Variants in MAML1 observed in about 807,000 individuals in gnomAD.
MAML1 encodes the protein mastermind-like protein 1.
A neutral mutation model predicts 77.1 loss-of-function variants in MAML1; 14 were observed. That is an observed-to-expected ratio of 0.18 (90% CI 0.12 to 0.28). The LOEUF is 0.28. MAML1 is among the 10% of genes least tolerant of loss of function. The pLI is 1.00. For missense variants in MAML1, 1,217 were observed against 1,327.8 expected, an observed-to-expected ratio of 0.92 and a Z score of 1.30; for synonymous variants, 516 against 551.9, an observed-to-expected ratio of 0.93 and a Z score of 0.91.
chr5:179,751,600 G>A (rs529198138), intron 1 of MAML1, among the ~76,000 whole-genome samples: 1 of 152,180 alleles, frequency 6.6e-6, no homozygotes, highest in Non-Finnish European at 1.5e-5. Context: ...AGCTACTCGG[G>A]AGGCTGAGGC....
chr5:179,753,654 A>ATTATTATT (rs1554150374), intron 1 of MAML1, among the ~76,000 whole-genome samples: 1 of 88,852 alleles, frequency 1.1e-5, no homozygotes, highest in Non-Finnish European at 2.2e-5. Context: ...TATTATTATT[A>ATTATTATT]TTTTTTTTTT....
intron 1 of MAML1, among the ~76,000 whole-genome samples, chr5:179,750,837 C>T (rs925765260): frequency 2.6e-5 from 4 of 152,156 alleles, no homozygotes; most frequent in Admixed American, 6.5e-5. Context: ...TGACGATTCC[C>T]AGCAAGGAGG....
Position 179,776,309 on chromosome 5 carries a change from A to G in MAML1, c.*1432A>G, listed in dbSNP as rs534837227. 1.2e-5 allele frequency: 12 copies of G among 985,748 alleles called. No individual in the cohort carries two copies. The African/African-American group carries it at 1.9e-4, about 16-fold the overall frequency. The allele number at this position is 985,748 out of a possible 1,614,324, so 61.1% of individuals were successfully genotyped here. Reference sequence around the variant, plus strand: ...CCAATGGATCATTCAGGAGTGTCCTATGTGAGAATTGAGCCAAGGAAAATA... The same window carrying G: ...CCAATGGATCATTCAGGAGTGTCCTGTGTGAGAATTGAGCCAAGGAAAATA... On this transcript the variant is annotated 3_prime_UTR_variant, in exon 5 of 5. Transcript: ENST00000292599.
At chr5:179,745,871 A>AT (rs1779370039) in intron 1 of MAML1, among the ~76,000 whole-genome samples, 1 of 148,722 alleles carries the variant, frequency 6.7e-6, no homozygotes, top group African/African-American at 2.5e-5. Flanking sequence ...AAAAAAAAAA[A>AT]AAAAAAAAAA....
chr5:179,756,429 T>C (rs1335145972), intron 1 of MAML1, among the ~76,000 whole-genome samples: 1 of 130,388 alleles, frequency 7.7e-6, no homozygotes, highest in Non-Finnish European at 1.7e-5. Context: ...AGCGGGACTC[T>C]GTCTCAAAAA....
At chr5:179,759,348 A>T (rs1779683378) in intron 1 of MAML1, among the ~76,000 whole-genome samples, 1 of 152,206 alleles carries the variant, frequency 6.6e-6, no homozygotes, top group Admixed American at 6.5e-5. Context: ...AGGAACAATG[A>T]TGCTCATCCT....
intron 1 of MAML1, among the ~76,000 whole-genome samples, chr5:179,748,959 T>G (rs77527920): frequency 1.8e-5 from 2 of 112,674 alleles, no homozygotes; most frequent in African/African-American, 2.8e-5. Context: ...TGTTTTTTTT[T>G]TTTTTGTTTT....
At chr5:179,756,217 A>C (rs1779612627) in intron 1 of MAML1, among the ~76,000 whole-genome samples, 1 of 151,354 alleles carries the variant, frequency 6.6e-6, no homozygotes, top group Non-Finnish European at 1.5e-5. Flanking sequence ...CGAGGTCAGG[A>C]GATGGAGACC....
At chr5:179,746,571 C>T (rs969170210) in intron 1 of MAML1, among the ~76,000 whole-genome samples, 3 of 151,828 alleles carry the variant, frequency 2.0e-5, no homozygotes. Flanking sequence ...CAGGGTTTCT[C>T]CACGTTGGTC....
At position 179,776,808 on chromosome 5, in the gene MAML1, T is replaced by C. The variant is rs1756143805; in HGVS notation, c.*1931T>C. 1 of 985,934 alleles carries C rather than the reference T, an allele frequency of 1.0e-6. No homozygotes were observed. Among genetic ancestry groups the C allele is most frequent in the Non-Finnish European group, 1.2e-6 (1 of 829,970 alleles). 61.1% of individuals were successfully genotyped at this position (985,934 alleles called of 1,614,324 possible). On this transcript the variant is annotated 3_prime_UTR_variant, in exon 5 of 5. Coordinates refer to ENST00000292599, the MANE Select transcript of MAML1 (RefSeq NM_014757.5). ...CTCACTTGCTGCAGTGTCATAGCAA[T>C]AAAATGTGATTCTTGGGGTCCCCCC... is the stretch of plus-strand genomic sequence containing the variant.
intron 1 of MAML1, among the ~76,000 whole-genome samples, chr5:179,736,942 CAG>C (rs1779181811): frequency 7.1e-6 from 1 of 141,160 alleles, no homozygotes; most frequent in Non-Finnish European, 1.5e-5. Context: ...GCCTGGGCAA[CAG>C]AGGGAGACTC....
In MAML1 at chr5:179,760,593, G is replaced by A. The variant is rs9329088; in HGVS notation, c.316-4733G>A. Among the ~76,000 whole-genome samples the A allele has an allele frequency of 6.5e-3, 986 of 152,240 alleles. 7 individuals are homozygous for A. The highest frequency in any genetic ancestry group is 0.023 in the African/African-American group (946 of 41,542). On this transcript the variant is annotated intron_variant, in intron 1 of 4. Transcript: ENST00000292599. ...GGTTCCCAGACAGTTGGGTTTATTT[G>A]AGTGTGATGTTCAGTCATGGGAATT...
intron 1 of MAML1, among the ~76,000 whole-genome samples, chr5:179,743,561 G>A (rs1282917826): frequency 6.6e-6 from 1 of 150,728 alleles, no homozygotes; most frequent in African/African-American, 2.4e-5. Flanking sequence ...TAGTAGAGAC[G>A]GAGTTTCACC....
intron 1 of MAML1, among the ~76,000 whole-genome samples, chr5:179,759,766 A>G (rs1779691227): frequency 6.6e-6 from 1 of 152,254 alleles, no homozygotes; most frequent in Non-Finnish European, 1.5e-5. Context: ...GTGGAGTCCC[A>G]GTGAGCCACG....
Position 179,774,314 on chromosome 5 carries a change from C to G in MAML1, c.2488C>G (p.Pro830Ala). Residue 830 changes from proline to alanine, a missense_variant, in exon 5 of 5, where the codon CCA becomes GCA. Pro to Ala is a conservative substitution (Grantham distance 27). This residue lies in a region of MAML1 where 884 missense variants were observed against 949.3 expected (regional missense o/e 0.93). Coordinates refer to ENST00000292599, the MANE Select transcript of MAML1 (RefSeq NM_014757.5). The part of the protein sequence containing the change: ...LTKPPVPRVS[P>A]AMGGQNSSWQ... ...AAAGCCACCGGTCCCAAGGGTGTCA[C>G]CAGCCATGGGAGGCCAGAATTCCTC... 6.2e-7 allele frequency: 1 copy of G among 1,613,476 alleles called. No individual in the cohort carries two copies. The highest frequency in any genetic ancestry group is 8.5e-7 in the Non-Finnish European group (1 of 1,180,032).
At chr5:179,763,455 A>ATT (rs11419516) in intron 1 of MAML1, among the ~76,000 whole-genome samples, 18 of 147,380 alleles carry the variant, frequency 1.2e-4, no homozygotes, top group Non-Finnish European at 2.2e-4. Context: ...CATTCCTGCG[A>ATT]TTTTTTTTTT....
chr5:179,737,942 G>A (rs1446470375), intron 1 of MAML1, among the ~76,000 whole-genome samples: 1 of 152,190 alleles, frequency 6.6e-6, no homozygotes, highest in Non-Finnish European at 1.5e-5. Flanking sequence ...GACTACAGGT[G>A]TGCACCACCG....
rs111436217 is a variant in MAML1 at position 179,764,212 on chromosome 5, T to G, written c.316-1114T>G. The stretch of plus-strand genomic sequence containing the variant: ...AAAGCCCACCCGAGGAGGAGCTGTC[T>G]TCTTTGTCTTTATGTTCCCCACAGC... On this transcript the variant is annotated intron_variant, in intron 1 of 4. Transcript: ENST00000292599. Among the ~76,000 whole-genome samples, 48 of 152,312 alleles carry G rather than the reference T, an allele frequency of 3.2e-4. 1 individual carries two copies. Among genetic ancestry groups the G allele is most frequent in the African/African-American group, 9.9e-4 (41 of 41,564 alleles).
At chr5:179,756,114 G>A (rs775971270) in intron 1 of MAML1, among the ~76,000 whole-genome samples, 11 of 151,016 alleles carry the variant, frequency 7.3e-5, no homozygotes, top group African/African-American at 1.5e-4. Context: ...TGGACACCCC[G>A]AGCTAAATCT....
Sources: allele counts gnomAD v4.1 joint callset (sites outside exome capture counted in the v4.1 genomes callset), GRCh38; gene constraint gnomAD v4.1.1; regional missense constraint gnomAD v4.1.1; transcripts MANE v1.5; gene names NCBI Gene and HGNC (gene_info 2026-07-23, HGNC 2026-07-21).